The following ZNF536 variants were observed in gnomAD, a reference collection of about 807,000 sequenced individuals.
ZNF536 encodes the protein zinc finger protein 536.
A neutral mutation model predicts 84.5 loss-of-function variants in ZNF536; 13 were observed. The ratio of observed to expected loss-of-function variants is 0.15; its 90% CI spans 0.10 to 0.24. The LOEUF is 0.24. Ranked by LOEUF, ZNF536 falls within the 10% of genes least tolerant of loss-of-function variation. ZNF536 has a pLI of 1.00. For synonymous variants in ZNF536, 811 were observed against 742.5 expected (o/e 1.09, Z -1.50); for missense variants, 1,536 against 1,747.5 (o/e 0.88, Z 2.16).
intron 1 of ZNF536, among the ~76,000 whole-genome samples, chr19:30,390,847 G>A (rs979993061): frequency 6.6e-6 from 1 of 152,118 alleles, no homozygotes; most frequent in African/African-American, 2.4e-5. Flanking sequence ...CACCAATGGG[G>A]ATCTCAAACC....
At chr19:30,470,952 T>C (rs949844735) in intron 2 of ZNF536, among the ~76,000 whole-genome samples, 2 of 151,780 alleles carry the variant, frequency 1.3e-5, no homozygotes, top group Non-Finnish European at 1.5e-5. Context: ...CTTACCAAAG[T>C]GCTGGGAGTA....
chr19:30,324,005 C>A (rs909163468), intron 2 of ZNF536, among the ~76,000 whole-genome samples: 2 of 151,996 alleles, frequency 1.3e-5, no homozygotes, highest in Non-Finnish European at 2.9e-5. Flanking sequence ...CTGTACTCAC[C>A]CATCATCCCA....
chr19:30,598,343 A>G (rs1254277954), intron 1 of ZNF536, among the ~76,000 whole-genome samples: 2 of 152,128 alleles, frequency 1.3e-5, no homozygotes, highest in Non-Finnish European at 2.9e-5. Context: ...ACCTTTACAG[A>G]AGGAAGGCTT....
intron 1 of ZNF536, among the ~76,000 whole-genome samples, chr19:30,238,065 G>T (rs2023667679): frequency 6.6e-6 from 1 of 152,116 alleles, no homozygotes; most frequent in South Asian, 2.1e-4. Flanking sequence ...CCCTCATAAG[G>T]TCATCAGGAT....
intron 1 of ZNF536, among the ~76,000 whole-genome samples, chr19:30,618,163 A>G (rs572323139): frequency 6.6e-6 from 1 of 152,114 alleles, no homozygotes; most frequent in African/African-American, 2.4e-5. Flanking sequence ...TTTGCTTCAT[A>G]TTGTTCTTTG....
intron 2 of ZNF536, among the ~76,000 whole-genome samples, chr19:30,482,286 G>C (rs538923791): frequency 6.6e-6 from 1 of 152,144 alleles, no homozygotes; most frequent in Non-Finnish European, 1.5e-5. Context: ...ACTAGTTCTC[G>C]TAACAGGTAA....
At chr19:30,685,614 G>A (rs1043725345) in intron 1 of ZNF536, among the ~76,000 whole-genome samples, 4 of 152,130 alleles carry the variant, frequency 2.6e-5, no homozygotes, top group African/African-American at 9.7e-5. Context: ...AAAAATAAAT[G>A]CCATAAAAAT....
intron 1 of ZNF536, among the ~76,000 whole-genome samples, chr19:30,660,580 T>G (rs2050088748): frequency 6.6e-6 from 1 of 152,378 alleles, no homozygotes; most frequent in African/African-American, 2.4e-5. Context: ...CCGTTATATT[T>G]CATGATTTCC....
At chr19:30,438,951 G>A (rs976682815) in intron 1 of ZNF536, among the ~76,000 whole-genome samples, 10 of 152,072 alleles carry the variant, frequency 6.6e-5, no homozygotes, top group Admixed American at 3.3e-4. Flanking sequence ...GGTGTGAGCC[G>A]CTGCGTCTGG....
At chr19:30,519,661 G>A (rs904093860) in intron 2 of ZNF536, among the ~76,000 whole-genome samples, 6 of 152,232 alleles carry the variant, frequency 3.9e-5, no homozygotes, top group African/African-American at 1.4e-4. Context: ...GCAGGTCAGA[G>A]GTGGCTAGTT....
intron 2 of ZNF536, among the ~76,000 whole-genome samples, chr19:30,332,526 G>C (rs2047246117): frequency 6.6e-6 from 1 of 152,096 alleles, no homozygotes; most frequent in Non-Finnish European, 1.5e-5. Context: ...GTTCTCCTCT[G>C]CCAGGCCCTG....
intron 1 of ZNF536, among the ~76,000 whole-genome samples, chr19:30,384,098 C>CTTTCTCTTTCTTTCTTTCTT (rs1445807219): frequency 4.4e-4 from 38 of 86,562 alleles, no homozygotes; most frequent in Non-Finnish European, 7.1e-4. Flanking sequence ...CCACCTCTTT[C>CTTTCTCTTTCTTTCTTTCTT]TCTTTCTTTC....
chr19:30,512,569 C>T (rs1303988222), intron 2 of ZNF536, among the ~76,000 whole-genome samples: 2 of 151,446 alleles, frequency 1.3e-5, no homozygotes, highest in Non-Finnish European at 2.9e-5. Context: ...GGGTCACATT[C>T]GTTGCTGTGA....
intron 1 of ZNF536, among the ~76,000 whole-genome samples, chr19:30,605,134 T>C (rs2047823325): frequency 6.6e-6 from 1 of 152,224 alleles, no homozygotes; most frequent in Non-Finnish European, 1.5e-5. Flanking sequence ...CCATTGATGC[T>C]GTAGGAAGGT....
At chr19:30,466,052 G>T (rs1156631078) in intron 2 of ZNF536, among the ~76,000 whole-genome samples, 1 of 151,946 alleles carries the variant, frequency 6.6e-6, no homozygotes, top group Admixed American at 6.6e-5. Flanking sequence ...GCCTGGCAAA[G>T]AATTTTTTAA....
At chr19:30,421,001 G>A (rs561535621) in intron 1 of ZNF536, among the ~76,000 whole-genome samples, 2 of 152,216 alleles carry the variant, frequency 1.3e-5, no homozygotes, top group South Asian at 2.1e-4. Flanking sequence ...GAAGTTGTGC[G>A]GCAGACGGGG....
At position 30,444,261 on chromosome 19, in the gene ZNF536, C is replaced by T. The variant is rs2148176450; in HGVS notation, c.699C>T (p.Ala233=). The T allele has an allele frequency of 1.3e-6, 2 of 1,552,386 alleles. No individual in the cohort carries two copies. The highest frequency in any genetic ancestry group is 1.7e-6 in the Non-Finnish European group (2 of 1,156,106). ...AGCCCCCGCCGCACGCCCAGCAGGC[C>T]CCGCTGGCCGCCTGCACCCTGGCCC... ...DLKPPPHAQQ[A]PLAACTLALQ... is the part of the protein sequence containing the mutation. The change falls in exon 2 of 5, where the codon GCC becomes GCT. Residue 233 remains alanine (A), a synonymous_variant. Transcript: ENST00000355537.
chr19:30,403,360 G>GA (rs2050132464), intron 1 of ZNF536, among the ~76,000 whole-genome samples: 1 of 152,276 alleles, frequency 6.6e-6, no homozygotes, highest in African/African-American at 2.4e-5. Flanking sequence ...CTCTTTCCCT[G>GA]AAAAAATGCT....
chr19:30,687,892 T>A (rs1051293003), intron 1 of ZNF536, among the ~76,000 whole-genome samples: 1 of 152,088 alleles, frequency 6.6e-6, no homozygotes, highest in African/African-American at 2.4e-5. Context: ...CTATTACGTA[T>A]TTTCTGGGGA....
Sources: allele counts gnomAD v4.1 joint callset (sites outside exome capture counted in the v4.1 genomes callset), GRCh38; gene constraint gnomAD v4.1.1; transcripts MANE v1.5; gene names NCBI Gene and HGNC (gene_info 2026-07-23, HGNC 2026-07-21).